The following UBE2V2 variants were observed in gnomAD, a reference collection of about 807,000 sequenced individuals.
UBE2V2 encodes the protein ubiquitin conjugating enzyme E2 V2, also known as ubiquitin-conjugating enzyme E2 variant 2.
A neutral mutation model predicts 17.2 loss-of-function variants in UBE2V2; 9 were observed. The observed-to-expected ratio is 0.52, with a 90% CI of 0.32 to 0.91. The LOEUF (loss-of-function observed/expected upper bound fraction) is 0.91, where lower values mean the gene tolerates loss of function less well. Ranked by LOEUF, UBE2V2 falls within the 40% of genes least tolerant of loss-of-function variation. The probability of loss-of-function intolerance (pLI) is 0.04; values close to 1 mark genes in which losing one functional copy is unlikely to be tolerated. For synonymous variants in UBE2V2, 61 were observed against 57.5 expected, an observed-to-expected ratio of 1.06 and a Z score of -0.28; for missense variants, 133 against 182.6, an observed-to-expected ratio of 0.73 and a Z score of 1.56.
chr8:48,010,697 TG>T (rs2091222964), intron 1 of UBE2V2, among the ~76,000 whole-genome samples: 1 of 138,786 alleles, frequency 7.2e-6, no homozygotes, highest in East Asian at 2.2e-4. Context: ...TGGGTTTGTT[TG>T]TTTTTTTTTT....
In UBE2V2 at chr8:48,064,538, A is replaced by C. The variant is rs572301289; in HGVS notation, c.*3710A>C. The C allele has an allele frequency of 6.6e-6, 1 of 152,220 alleles. No homozygotes were observed. Among genetic ancestry groups the C allele is most frequent in the Admixed American group, 6.5e-5 (1 of 15,270 alleles). The allele number at this position is 152,220 out of a possible 1,614,324, so 9.4% of individuals were successfully genotyped here. ...CCTTATAGAATGATGAAATCTTACC[A>C]TAGTTCATACTGAAAATGTTGTTTA... On this transcript the variant is annotated 3_prime_UTR_variant, in exon 4 of 4. Coordinates refer to ENST00000523111, the MANE Select transcript of UBE2V2 (RefSeq NM_003350.3).
At chr8:47,999,332 C>T in the UBE2V2 span, among the ~76,000 whole-genome samples, 1 of 151,848 alleles carries the variant, frequency 6.6e-6, no homozygotes, top group Non-Finnish European at 1.5e-5. Flanking sequence ...TACTCCTTAT[C>T]TGAGGAATTC....
rs1020748625 is a variant in UBE2V2, at chr8:48,063,112, T to A, written c.*2284T>A. 3.9e-5 allele frequency: 6 copies of A among 152,130 alleles called. No individual in the cohort carries two copies. The highest frequency in any genetic ancestry group is 8.8e-5 in the Non-Finnish European group (6 of 68,026). The allele number at this position is 152,130 out of a possible 1,614,324, so 9.4% of individuals were successfully genotyped here. On this transcript the variant is annotated 3_prime_UTR_variant, in exon 4 of 4. Coordinates refer to ENST00000523111, the MANE Select transcript of UBE2V2 (RefSeq NM_003350.3). ...ACCTCAGTCTCTTGTCCTGTTTCCT[T>A]CCCCCAAATCCACCATTGTGAAGTT...
chr8:48,013,369 G>A (rs889161433), intron 1 of UBE2V2, among the ~76,000 whole-genome samples: 5 of 150,846 alleles, frequency 3.3e-5, no homozygotes, highest in Admixed American at 6.6e-5. Context: ...GTGCAGTGGC[G>A]TGATCTTGGC....
chr8:48,050,032 AT>A, intron 3 of UBE2V2, 54 bp downstream of exon 3: 1 of 1,260,878 alleles, frequency 7.9e-7, no homozygotes, highest in Non-Finnish European at 1.1e-6. Context: ...AGAGTTATAT[AT>A]TATACGTACA....
At chr8:48,055,995 T>G (rs1460054358) in intron 3 of UBE2V2, among the ~76,000 whole-genome samples, 1 of 152,054 alleles carries the variant, frequency 6.6e-6, no homozygotes, top group Admixed American at 6.6e-5. Flanking sequence ...CCTGACCTTG[T>G]GATCTGCCCT....
chr8:48,049,422 C>G (rs2091520635), intron 2 of UBE2V2, among the ~76,000 whole-genome samples: 1 of 152,182 alleles, frequency 6.6e-6, no homozygotes, highest in South Asian at 2.1e-4. Context: ...CAGAACTGTT[C>G]TGTAAAACAG....
chr8:48,021,972 G>A (rs914290404), intron 1 of UBE2V2, among the ~76,000 whole-genome samples: 1 of 151,820 alleles, frequency 6.6e-6, no homozygotes, highest in African/African-American at 2.4e-5. Flanking sequence ...GAGCCACCAC[G>A]CCTGGCATAT....
chr8:48,059,686 C>T (rs1011388404), intron 3 of UBE2V2, among the ~76,000 whole-genome samples: 2 of 152,186 alleles, frequency 1.3e-5, no homozygotes, highest in African/African-American at 4.8e-5. Context: ...GTTGGGATTA[C>T]AGGCGTGAGC....
Position 48,064,370 on chromosome 8 carries a change from T to A in UBE2V2, c.*3542T>A, listed in dbSNP as rs1239839597. 1 of 152,206 alleles carries A rather than the reference T, an allele frequency of 6.6e-6. No individual in the cohort carries two copies. The highest frequency in any genetic ancestry group is 1.5e-5 in the Non-Finnish European group (1 of 68,040). The allele number at this position is 152,206 out of a possible 1,614,324, so 9.4% of individuals were successfully genotyped here. A position where few individuals can be genotyped will look rare whatever the true frequency, so the allele number is the denominator to read the frequency against. ...CTCCTCAAGGTTTGGGAAAATTGTG[T>A]ATTTTTTTGTATACAAGATAAAAGT... On this transcript the variant is annotated 3_prime_UTR_variant, in exon 4 of 4. Transcript: ENST00000523111.
chr8:48,027,511 A>T (rs2154507215), intron 1 of UBE2V2, among the ~76,000 whole-genome samples: 1 of 151,918 alleles, frequency 6.6e-6, no homozygotes, highest in East Asian at 1.9e-4. Context: ...TATTTATTTA[A>T]TTTTTTGAGA....
At chr8:48,026,506 T>C (rs747083057) in intron 1 of UBE2V2, among the ~76,000 whole-genome samples, 2 of 152,230 alleles carry the variant, frequency 1.3e-5, no homozygotes, top group Admixed American at 6.5e-5. Context: ...TTCACAGATA[T>C]ATGTAACTGT....
chr8:48,016,781 CTTTTTTTTT>C (rs554494819), intron 1 of UBE2V2, among the ~76,000 whole-genome samples: 1 of 128,478 alleles, frequency 7.8e-6, no homozygotes, highest in Non-Finnish European at 1.7e-5. Flanking sequence ...CGTGCCCAGC[CTTTTTTTTT>C]TTTTTTTTTT....
At chr8:48,055,821 A>G (rs140137932) in intron 3 of UBE2V2, among the ~76,000 whole-genome samples, 1,580 of 148,908 alleles carry the variant, frequency 0.011, 30 homozygotes, top group African/African-American at 0.036. Flanking sequence ...CTGGAGTGCA[A>G]TGGCTTGGCT....
At chr8:48,018,784 A>G (rs750089456) in intron 1 of UBE2V2, among the ~76,000 whole-genome samples, 6 of 152,142 alleles carry the variant, frequency 3.9e-5, no homozygotes, top group South Asian at 2.1e-4. Context: ...AGTACAACCT[A>G]TCTTTCAGAT....
chr8:48,052,987 A>G (rs1380477170), intron 3 of UBE2V2, among the ~76,000 whole-genome samples: 1 of 151,958 alleles, frequency 6.6e-6, no homozygotes, highest in East Asian at 1.9e-4. Context: ...GCTCACTGCA[A>G]CCTCCATCTC....
rs369457288 is a variant in UBE2V2 at position 48,023,074 on chromosome 8, T to C, written c.16+14604T>C. The stretch of plus-strand genomic sequence containing the variant: ...CTGCCTTGAGGATTCTCTCTTTGTC[T>C]TTGATCTTTGACAGTTTGGTTATAA... On this transcript the variant is annotated intron_variant, in intron 1 of 3. Transcript: ENST00000523111. Among the ~76,000 whole-genome samples, 413 of 152,268 alleles carry C rather than the reference T, an allele frequency of 2.7e-3. 4 individuals are homozygous for C. Among genetic ancestry groups the C allele is most frequent in the South Asian group, 0.024 (118 of 4,822 alleles).
intron 3 of UBE2V2, among the ~76,000 whole-genome samples, chr8:48,057,874 T>C (rs1162072086): frequency 1.3e-5 from 2 of 152,208 alleles, no homozygotes; most frequent in Admixed American, 1.3e-4. Flanking sequence ...ATAATTTCTT[T>C]AGTGGATTCC....
chr8:48,012,444 TG>T (rs1222627811), intron 1 of UBE2V2, among the ~76,000 whole-genome samples: 1 of 151,984 alleles, frequency 6.6e-6, no homozygotes, highest in Admixed American at 6.6e-5. Flanking sequence ...GCAGGCCGGG[TG>T]GGGTGGCTCA....
Sources: gnomAD v4.1 joint callset for allele counts (sites outside exome capture counted in the v4.1 genomes callset) on GRCh38, gnomAD v4.1.1 for gene constraint, MANE v1.5 for transcripts, NCBI Gene and HGNC (gene_info 2026-07-23, HGNC 2026-07-21) for gene names.